Variants in MLLT10 observed in about 807,000 individuals in gnomAD.
MLLT10 encodes MLLT10 histone lysine methyltransferase DOT1L cofactor, also known as protein AF-10.
In MLLT10, 30 loss-of-function variants were observed where a neutral mutation model predicts 129.1. The observed-to-expected ratio is 0.23, with a 90% confidence interval of 0.17 to 0.32. The LOEUF (loss-of-function observed/expected upper bound fraction) is 0.32, where lower values mean the gene tolerates loss of function less well. MLLT10 is among the 10% of genes least tolerant of loss of function. The pLI is 1.00. For synonymous variants in MLLT10, 490 were observed against 446.4 expected (o/e 1.10, Z -1.23); for missense variants, 1,119 against 1,268.3 (o/e 0.88, Z 1.79).
chr10:21,554,314 C>G (rs1182741270), intron 3 of MLLT10, among the ~76,000 whole-genome samples: 1 of 152,124 alleles, frequency 6.6e-6, no homozygotes. Context: ...TCTCTTCCAA[C>G]TCTTCACTTA....
chr10:21,581,566 C>T (rs555686588), intron 3 of MLLT10, among the ~76,000 whole-genome samples: 8 of 151,804 alleles, frequency 5.3e-5, no homozygotes, highest in African/African-American at 1.7e-4. Context: ...AATCTCATCT[C>T]GAATTGTAAT....
At position 21,610,356 on chromosome 10, in the gene MLLT10, G is replaced by T. The variant is rs115278197; in HGVS notation, c.406-1992G>T. Among the ~76,000 whole-genome samples, 1,404 of 152,260 alleles carry T rather than the reference G, an allele frequency of 9.2e-3. 21 individuals carry two copies. The highest frequency in any genetic ancestry group is 0.032 in the African/African-American group (1,309 of 41,548). The stretch of plus-strand genomic sequence containing the variant: ...TCCTAGACTAGAAGCTGAGTTGGAG[G>T]GAGCCCTCATCTTCTTGGCCACACC... On this transcript the variant is annotated intron_variant, in intron 5 of 22. Coordinates refer to ENST00000307729, the MANE Select transcript of MLLT10 (RefSeq NM_001195626.3).
In MLLT10 at chr10:21,678,481, G is replaced by C. The variant is rs114298833; in HGVS notation, c.1622-2851G>C. On this transcript the variant is annotated intron_variant, in intron 11 of 22. Transcript: ENST00000307729. ...TTATTAAGTTGGAAAAGATCATGGA[G>C]AGGTTGAATTGTACTTTGAAGTAGG... Among the ~76,000 whole-genome samples, 1,407 of 152,288 alleles carry C rather than the reference G, an allele frequency of 9.2e-3. 22 individuals are homozygous for C. Among genetic ancestry groups the C allele is most frequent in the African/African-American group, 0.032 (1,310 of 41,536 alleles).
chr10:21,612,341 C>A lies in MLLT10; in HGVS notation c.406-7C>A. 6.4e-7 allele frequency: 1 copy of A among 1,564,062 alleles called. No individual in the cohort carries two copies. Among genetic ancestry groups the A allele is most frequent in the Non-Finnish European group, 8.7e-7 (1 of 1,146,042 alleles). On this transcript the variant is annotated splice_polypyrimidine_tract_variant and splice_region_variant and intron_variant, in intron 5 of 22. Coordinates refer to ENST00000307729, the MANE Select transcript of MLLT10 (RefSeq NM_001195626.3). ...TGATTTTTGTCTTTTTTTTTTTTAA[C>A]CCCAAGACTTGCTACATTTGTGATG...
At chr10:21,618,479 T>C (rs1370916242) in intron 8 of MLLT10, among the ~76,000 whole-genome samples, 1 of 152,016 alleles carries the variant, frequency 6.6e-6, no homozygotes, top group Non-Finnish European at 1.5e-5. Context: ...CACTCCAGCC[T>C]GGGCGACGGA....
At chr10:21,540,417 G>C (rs574719874) in intron 3 of MLLT10, among the ~76,000 whole-genome samples, 1 of 151,702 alleles carries the variant, frequency 6.6e-6, no homozygotes, top group Non-Finnish European at 1.5e-5. Flanking sequence ...TTAGTTGGGC[G>C]TGGTGGCTTG....
chr10:21,628,210 G>GTAACAGATTAC (rs2046642307), intron 8 of MLLT10, among the ~76,000 whole-genome samples: 1 of 152,112 alleles, frequency 6.6e-6, no homozygotes, highest in African/African-American at 2.4e-5. Flanking sequence ...CCGTCTCCTG[G>GTAACAGATTAC]TAACAGATAA....
intron 13 of MLLT10, among the ~76,000 whole-genome samples, chr10:21,705,411 T>C (rs2055395793): frequency 6.6e-6 from 1 of 152,132 alleles, no homozygotes; most frequent in African/African-American, 2.4e-5. Context: ...GCTGGGTTGG[T>C]GGGCTTGTCC....
At chr10:21,699,126 C>T (rs1486194791) in intron 13 of MLLT10, among the ~76,000 whole-genome samples, 6 of 152,166 alleles carry the variant, frequency 3.9e-5, no homozygotes, top group Non-Finnish European at 4.4e-5. Context: ...CCACCCGCCT[C>T]GGCCTCCCAA....
intron 3 of MLLT10, among the ~76,000 whole-genome samples, chr10:21,545,216 A>C (rs748865365): frequency 6.6e-6 from 1 of 152,040 alleles, no homozygotes; most frequent in Non-Finnish European, 1.5e-5. Context: ...TTGAAGCTGC[A>C]TAGAGGGAAA....
At chr10:21,561,518 C>G (rs1174730102) in intron 3 of MLLT10, among the ~76,000 whole-genome samples, 1 of 152,224 alleles carries the variant, frequency 6.6e-6, no homozygotes. Flanking sequence ...CTCGGCCTCC[C>G]GAAGTGCTGG....
At chr10:21,537,012 C>G (rs2034149337) in intron 2 of MLLT10, among the ~76,000 whole-genome samples, 1 of 151,892 alleles carries the variant, frequency 6.6e-6, no homozygotes, top group Non-Finnish European at 1.5e-5. Context: ...GTCTTGAACC[C>G]CTGACCCCAG....
intron 14 of MLLT10, 76 bp from the exon 15 acceptor site, chr10:21,726,168 T>C: frequency 1.1e-6 from 1 of 941,406 alleles, no homozygotes; most frequent in East Asian, 2.6e-5. Flanking sequence ...ATATAATTAC[T>C]AGATCTATTA....
intron 9 of MLLT10, among the ~76,000 whole-genome samples, chr10:21,663,267 C>G (rs949402978): frequency 1.3e-5 from 2 of 152,128 alleles, no homozygotes; most frequent in Admixed American, 6.5e-5. Context: ...CCAGCAGTAT[C>G]AACTAAAATA....
At chr10:21,691,348 A>G (rs1404909618) in intron 13 of MLLT10, among the ~76,000 whole-genome samples, 1 of 152,114 alleles carries the variant, frequency 6.6e-6, no homozygotes, top group Admixed American at 6.5e-5. Context: ...GGGTCATTTT[A>G]TTTCAGGATC....
chr10:21,738,754 C>T (rs1447132883), intron 21 of MLLT10, among the ~76,000 whole-genome samples: 3 of 152,166 alleles, frequency 2.0e-5, no homozygotes, highest in Non-Finnish European at 4.4e-5. Flanking sequence ...CTCTTAGCTT[C>T]CAGGATACCA....
intron 7 of MLLT10, 63 bp downstream of exon 7, chr10:21,614,987 GT>G (rs1309356731): frequency 4.7e-5 from 63 of 1,337,778 alleles, no homozygotes; most frequent in Non-Finnish European, 5.9e-5. Context: ...GAATGACACT[GT>G]TTTATTAAAA....
chr10:21,539,255 A>T (rs544889900), intron 3 of MLLT10, among the ~76,000 whole-genome samples: 5 of 152,320 alleles, frequency 3.3e-5, no homozygotes, highest in African/African-American at 1.2e-4. Flanking sequence ...TAAGGAAGTT[A>T]CATTGATAAT....
At chr10:21,657,262 A>G (rs984341532) in intron 9 of MLLT10, among the ~76,000 whole-genome samples, 1 of 151,988 alleles carries the variant, frequency 6.6e-6, no homozygotes, top group African/African-American at 2.4e-5. Flanking sequence ...GCATGGTGGC[A>G]TGTGCCTATA....
Sources: gnomAD v4.1 joint callset for allele counts (sites outside exome capture counted in the v4.1 genomes callset) on GRCh38, gnomAD v4.1.1 for gene constraint, MANE v1.5 for transcripts, NCBI Gene and HGNC (gene_info 2026-07-23, HGNC 2026-07-21) for gene names.